Variants in RAB38 observed in about 807,000 individuals in gnomAD.
The protein encoded by RAB38 is RAB38, member RAS oncogene family.
RAB38 carries 15 observed loss-of-function variants against 18.4 expected under a neutral mutation model. That is an observed-to-expected ratio of 0.82 (90% confidence interval 0.55 to 1.26). RAB38 has a LOEUF of 1.26. Ranked by LOEUF, RAB38 falls within the 50% of genes most tolerant of loss-of-function variation. The pLI is 0.00. For missense variants in RAB38, 294 were observed against 267.4 expected (o/e 1.10, Z -0.69); for synonymous variants, 101 against 104.4 (o/e 0.97, Z 0.20).
intron 2 of RAB38, among the ~76,000 whole-genome samples, chr11:88,117,953 T>A (rs186596419): frequency 1.4e-4 from 22 of 152,318 alleles, no homozygotes; most frequent in African/African-American, 5.1e-4. Flanking sequence ...TTCCTTCATT[T>A]TGCAGTTGAA....
At chr11:87,975,402 A>T in the RAB38 span, among the ~76,000 whole-genome samples, 1 of 152,066 alleles carries the variant, frequency 6.6e-6, no homozygotes, top group Non-Finnish European at 1.5e-5. Context: ...AAGCTGAAAT[A>T]ATTCTTTGCC....
chr11:88,011,294 C>T, the RAB38 span, among the ~76,000 whole-genome samples: 2 of 152,196 alleles, frequency 1.3e-5, no homozygotes, highest in African/African-American at 4.8e-5. Context: ...ATGCAAGGAA[C>T]ACCACGTTGT....
chr11:88,117,822 C>T (rs910154893), intron 2 of RAB38, among the ~76,000 whole-genome samples: 1 of 152,172 alleles, frequency 6.6e-6, no homozygotes, highest in Non-Finnish European at 1.5e-5. Flanking sequence ...TATATTAATA[C>T]TTGAAACATG....
the RAB38 span, among the ~76,000 whole-genome samples, chr11:88,037,489 C>A: frequency 6.6e-6 from 1 of 152,044 alleles, no homozygotes; most frequent in Non-Finnish European, 1.5e-5. Context: ...TTTGAGCACT[C>A]TTGGAAGTGC....
the RAB38 span, among the ~76,000 whole-genome samples, chr11:87,912,019 T>C: frequency 6.6e-6 from 1 of 151,976 alleles, no homozygotes; most frequent in Non-Finnish European, 1.5e-5. Context: ...TGGATTGATT[T>C]TCAAATATTA....
chr11:87,893,348 C>CAT, the RAB38 span, among the ~76,000 whole-genome samples: 21 of 71,486 alleles, frequency 2.9e-4, no homozygotes, highest in East Asian at 8.6e-3. Flanking sequence ...CACACACACA[C>CAT]ATATATATAC....
chr11:88,069,073 G>T, the RAB38 span, among the ~76,000 whole-genome samples: 1 of 152,182 alleles, frequency 6.6e-6, no homozygotes, highest in Non-Finnish European at 1.5e-5. Flanking sequence ...CAGGAACCGG[G>T]GCTGTGCACT....
the RAB38 span, among the ~76,000 whole-genome samples, chr11:87,924,257 C>T: frequency 5.3e-5 from 8 of 152,002 alleles, no homozygotes; most frequent in Non-Finnish European, 8.8e-5. Flanking sequence ...CCTTGGAAGT[C>T]GGTAAGTAAG....
At chr11:87,953,076 C>A in the RAB38 span, among the ~76,000 whole-genome samples, 2 of 141,906 alleles carry the variant, frequency 1.4e-5, no homozygotes, top group Non-Finnish European at 3.1e-5. Context: ...TTTATTTACA[C>A]AGACTCCTGA....
the RAB38 span, among the ~76,000 whole-genome samples, chr11:87,858,668 T>A: frequency 1.3e-5 from 2 of 152,056 alleles, no homozygotes; most frequent in Non-Finnish European, 2.9e-5. Context: ...TATTTAATTT[T>A]GGGAAGACGC....
At chr11:88,016,737 AG>A in the RAB38 span, among the ~76,000 whole-genome samples, 318 of 152,260 alleles carry the variant, frequency 2.1e-3, 3 homozygotes, top group East Asian at 0.02. Context: ...CAGAATAAAG[AG>A]AAACTTAAAC....
At chr11:88,051,525 C>T in the RAB38 span, among the ~76,000 whole-genome samples, 4 of 151,592 alleles carry the variant, frequency 2.6e-5, no homozygotes, top group African/African-American at 9.7e-5. Flanking sequence ...GAACTTGCAG[C>T]CGGAACCTAA....
chr11:87,847,514 TCAAAA>T, the RAB38 span, among the ~76,000 whole-genome samples: 4 of 152,070 alleles, frequency 2.6e-5, no homozygotes, highest in Non-Finnish European at 5.9e-5. Flanking sequence ...TCCCTCTCTT[TCAAAA>T]CAAAACAAAA....
the RAB38 span, among the ~76,000 whole-genome samples, chr11:87,977,888 C>T: frequency 1 from 95,953 of 95,962 alleles, 47,972 homozygotes; most frequent in Middle Eastern, 1. Flanking sequence ...AAGATGTAGT[C>T]ATAGATTTAC....
chr11:87,925,922 C>T, the RAB38 span, among the ~76,000 whole-genome samples: 6 of 151,836 alleles, frequency 4.0e-5, no homozygotes, highest in African/African-American at 1.2e-4. Context: ...AACATTGATA[C>T]CTGCCACGCT....
At chr11:88,159,216 A>C (rs1234540015) in intron 1 of RAB38, among the ~76,000 whole-genome samples, 3 of 149,596 alleles carry the variant, frequency 2.0e-5, no homozygotes, top group African/African-American at 7.3e-5. Context: ...TAAATAAATA[A>C]ATAAATAAAT....
the RAB38 span, among the ~76,000 whole-genome samples, chr11:87,945,833 T>C: frequency 1.3e-5 from 2 of 152,214 alleles, no homozygotes; most frequent in Non-Finnish European, 2.9e-5. Flanking sequence ...GCATCTTTCC[T>C]GACATAATGA....
At chr11:88,060,067 A>G in the RAB38 span, 1 of 152,224 alleles carries the variant, frequency 6.6e-6, no homozygotes, top group Middle Eastern at 3.2e-3. Context: ...GGGCCTTGGC[A>G]TGTTCAGCTC....
chr11:87,834,949 A>G, the RAB38 span, among the ~76,000 whole-genome samples: 4 of 152,208 alleles, frequency 2.6e-5, no homozygotes, highest in South Asian at 2.1e-4. Flanking sequence ...AAACTTGTCA[A>G]TGTGTCTGGA....
Sources: allele counts gnomAD v4.1 joint callset (sites outside exome capture counted in the v4.1 genomes callset), GRCh38; gene constraint gnomAD v4.1.1; transcripts MANE v1.5; gene names NCBI Gene and HGNC (gene_info 2026-07-23, HGNC 2026-07-21).